The following ZNF492 variants were observed in gnomAD, a reference collection of about 807,000 sequenced individuals.
ZNF492 encodes zinc finger protein 115 (Y20).
ZNF492 carries 3 observed loss-of-function variants against 6.4 expected under a neutral mutation model. The ratio of observed to expected loss-of-function variants is 0.47; its 90% CI spans 0.21 to 1.22. The LOEUF (loss-of-function observed/expected upper bound fraction) is 1.22. Ranked by LOEUF, ZNF492 falls within the 50% of genes most tolerant of loss-of-function variation. ZNF492 has a pLI of 0.22. For synonymous variants in ZNF492, 112 were observed against 205.3 expected (o/e 0.55, Z 3.89); for missense variants, 356 against 612.5 (o/e 0.58, Z 4.42).
At chr19:22,657,671 A>T (rs12983260) in intron 3 of ZNF492, among the ~76,000 whole-genome samples, 29,072 of 151,868 alleles carry the variant, frequency 0.19, 3,659 homozygotes, top group African/African-American at 0.36. Flanking sequence ...TTAGTTTCAT[A>T]TTAACGCATT....
intron 3 of ZNF492, among the ~76,000 whole-genome samples, chr19:22,659,667 GTTTTTT>G: frequency 9.8e-6 from 1 of 101,886 alleles, no homozygotes; most frequent in East Asian, 3.1e-4. Flanking sequence ...TTTTTTTGTT[GTTTTTT>G]TTTTTTTTTT....
At chr19:22,638,020 G>A (rs1971785759) in intron 1 of ZNF492, among the ~76,000 whole-genome samples, 1 of 152,014 alleles carries the variant, frequency 6.6e-6, no homozygotes, top group Admixed American at 6.6e-5. Context: ...TGTCTTCTTC[G>A]AAGAAAACAC....
In ZNF492 at chr19:22,634,492, G is replaced by T; in HGVS notation, c.-94+18G>T. 2 of 1,375,718 alleles carry T rather than the reference G, an allele frequency of 1.5e-6. No homozygotes were observed. Among genetic ancestry groups the T allele is most frequent in the Non-Finnish European group, 2.0e-6 (2 of 978,230 alleles). 85.2% of individuals were successfully genotyped at this position (1,375,718 alleles called of 1,614,324 possible). ...TAGAAACGGTGAGAGTGCCGGGTCC[G>T]ACATCCCGAGAGAGGGGAAGGGGCT... is the stretch of plus-strand genomic sequence containing the variant. On this transcript the variant is annotated intron_variant, in intron 1 of 3. Coordinates refer to ENST00000456783, the MANE Select transcript of ZNF492 (RefSeq NM_020855.3).
chr19:22,642,655 C>T (rs533614187), intron 1 of ZNF492, among the ~76,000 whole-genome samples: 1 of 152,182 alleles, frequency 6.6e-6, no homozygotes, highest in South Asian at 2.1e-4. Context: ...TCCTAAAGTG[C>T]TGGGAGTACA....
chr19:22,643,820 G>T (rs1314668904), intron 1 of ZNF492, among the ~76,000 whole-genome samples: 8 of 152,020 alleles, frequency 5.3e-5, no homozygotes, highest in Admixed American at 3.3e-4. Context: ...CAAGTATAGG[G>T]GGTTCAAGAT....
intron 1 of ZNF492, among the ~76,000 whole-genome samples, chr19:22,651,223 C>T (rs1186748415): frequency 6.6e-6 from 1 of 152,010 alleles, no homozygotes; most frequent in Admixed American, 6.5e-5. Context: ...CTCTGTGGGT[C>T]ATGCCAGCTG....
intron 1 of ZNF492, among the ~76,000 whole-genome samples, chr19:22,640,321 T>C (rs7507785): frequency 0.19 from 29,362 of 151,910 alleles, 3,682 homozygotes; most frequent in African/African-American, 0.36. Flanking sequence ...GCTACCACGC[T>C]CGGCTAATTT....
chr19:22,642,682 C>G (rs941440393), intron 1 of ZNF492, among the ~76,000 whole-genome samples: 2 of 152,084 alleles, frequency 1.3e-5, no homozygotes, highest in Non-Finnish European at 1.5e-5. Context: ...AGCGACCGCG[C>G]ACGGCCTTGT....
At chr19:22,656,039 G>C (rs937892786) in intron 3 of ZNF492, among the ~76,000 whole-genome samples, 1 of 143,270 alleles carries the variant, frequency 7.0e-6, no homozygotes, top group Non-Finnish European at 1.5e-5. Flanking sequence ...TGGCCAGGCT[G>C]GTCTTGAACT....
Position 22,666,631 on chromosome 19 carries a change from G to A in ZNF492, c.*1366G>A, listed in dbSNP as rs959788975. The A allele has an allele frequency of 5.3e-5, 8 of 152,156 alleles. No homozygotes were observed. The highest frequency in any genetic ancestry group is 7.4e-5 in the Non-Finnish European group (5 of 68,018). 9.4% of individuals were successfully genotyped at this position (152,156 alleles called of 1,614,324 possible). ...ATTAAAATGCATGATGAAAATCTAAGTAAAGAGGTTCTTTGTGATTCACTT... is the reference window on the plus strand; with the variant it reads ...ATTAAAATGCATGATGAAAATCTAAATAAAGAGGTTCTTTGTGATTCACTT... On this transcript the variant is annotated 3_prime_UTR_variant, in exon 4 of 4. Transcript: ENST00000456783.
intron 1 of ZNF492, among the ~76,000 whole-genome samples, chr19:22,636,163 G>A (rs768957712): frequency 6.6e-5 from 10 of 151,366 alleles, no homozygotes; most frequent in African/African-American, 1.7e-4. Context: ...GCAATGGCGC[G>A]ATCTCGGCTC....
At chr19:22,642,503 C>T (rs1261044268) in intron 1 of ZNF492, among the ~76,000 whole-genome samples, 1 of 136,730 alleles carries the variant, frequency 7.3e-6, no homozygotes, top group East Asian at 2.2e-4. Context: ...CATTCTGCTG[C>T]CTCAGCCTCC....
intron 3 of ZNF492, among the ~76,000 whole-genome samples, chr19:22,660,327 G>C (rs1193047904): frequency 6.6e-6 from 1 of 151,074 alleles, no homozygotes; most frequent in African/African-American, 2.4e-5. Context: ...TTGCATCTTT[G>C]TTTCTCATTT....
intron 1 of ZNF492, among the ~76,000 whole-genome samples, chr19:22,635,459 T>A (rs1176492632): frequency 6.6e-6 from 1 of 152,256 alleles, no homozygotes; most frequent in African/African-American, 2.4e-5. Flanking sequence ...TTTTAATTAA[T>A]CATTTTTTGA....
intron 3 of ZNF492, among the ~76,000 whole-genome samples, chr19:22,661,238 A>T (rs62118822): frequency 0.19 from 28,886 of 150,560 alleles, 3,600 homozygotes; most frequent in African/African-American, 0.36. Context: ...ATATTCTTGT[A>T]TTTATTCTCA....
chr19:22,661,493 A>T lies in ZNF492; in HGVS notation c.131-2307A>T, dbSNP rs73018802. Among the ~76,000 whole-genome samples, 8 of 152,204 alleles carry T rather than the reference A, an allele frequency of 5.3e-5. No individual in the cohort carries two copies. The South Asian group carries it at 1.5e-3, about 28-fold the overall frequency. On this transcript the variant is annotated intron_variant, in intron 3 of 3. Coordinates refer to ENST00000456783, the MANE Select transcript of ZNF492 (RefSeq NM_020855.3). ...TTTTTTCTGACATAGTCTGAAAACA[A>T]TTATCTTGGCTAGAGATTCTGGGAG...
chr19:22,659,307 T>C (rs1287577461), intron 3 of ZNF492, among the ~76,000 whole-genome samples: 3 of 149,822 alleles, frequency 2.0e-5, no homozygotes, highest in Non-Finnish European at 4.4e-5. Flanking sequence ...TAAGAGGAGG[T>C]CTATCAAGGA....
intron 1 of ZNF492, 53 bp downstream of exon 1, chr19:22,634,527 C>A (rs1226400438): frequency 2.2e-6 from 3 of 1,363,786 alleles, no homozygotes; most frequent in Non-Finnish European, 3.1e-6. Flanking sequence ...TGGTTGGAAC[C>A]GGTGGCAAGA....
chr19:22,649,116 A>C (rs1237688032), intron 1 of ZNF492, among the ~76,000 whole-genome samples: 1 of 152,198 alleles, frequency 6.6e-6, no homozygotes, highest in Non-Finnish European at 1.5e-5. Flanking sequence ...CTTGCAAGCC[A>C]GGCCTGGTGG....
Sources: gnomAD v4.1 joint callset for allele counts (sites outside exome capture counted in the v4.1 genomes callset) on GRCh38, gnomAD v4.1.1 for gene constraint, MANE v1.5 for transcripts, NCBI Gene and HGNC (gene_info 2026-07-23, HGNC 2026-07-21) for gene names.